The following TNR variants were observed in gnomAD, a reference collection of about 807,000 sequenced individuals.
TNR encodes the protein tenascin R.
Under a neutral mutation model 150.4 loss-of-function variants are expected in TNR, and 45 were observed. That is an observed-to-expected ratio of 0.30 (90% confidence interval 0.24 to 0.38). The LOEUF (loss-of-function observed/expected upper bound fraction) is 0.38. TNR is among the 10% of genes least tolerant of loss of function. The pLI, the probability that TNR is intolerant of heterozygous loss-of-function variation, is 1.00. For missense variants in TNR, 1,544 were observed against 1,759.1 expected, an observed-to-expected ratio of 0.88 and a Z score of 2.19; for synonymous variants, 687 against 678.4, an observed-to-expected ratio of 1.01 and a Z score of -0.20.
chr1:175,362,748 C>T lies in TNR; in HGVS notation c.2769G>A (p.Leu923=), dbSNP rs1396600259. 2 of 1,614,142 alleles carry T rather than the reference C, an allele frequency of 1.2e-6. No homozygotes were observed. The highest frequency in any genetic ancestry group is 1.7e-6 in the Non-Finnish European group (2 of 1,180,002). Residue 923 remains leucine (L), a synonymous_variant, in exon 14 of 23, where the codon CTG becomes CTA. Coordinates refer to ENST00000367674, the MANE Select transcript of TNR (RefSeq NM_003285.3). The part of the protein sequence containing the change: ...NTVTEFTITR[L]NPATEYEISL... ...TGATTTCGTATTCGGTAGCTGGGTT[C>T]AGTCTGGTGATGGTGAATTCTGTCA...
chr1:175,588,149 C>G (rs1662649997), intron 1 of TNR, among the ~76,000 whole-genome samples: 1 of 152,194 alleles, frequency 6.6e-6, no homozygotes, highest in Non-Finnish European at 1.5e-5. Context: ...AGTTCACAGT[C>G]ACTGGAGGAA....
At chr1:175,340,870 C>G (rs1460185468) in intron 18 of TNR, among the ~76,000 whole-genome samples, 1 of 152,164 alleles carries the variant, frequency 6.6e-6, no homozygotes, top group Non-Finnish European at 1.5e-5. Flanking sequence ...CTCCCACTTG[C>G]CCCCTTTCCT....
chr1:175,415,628 G>A (rs553549815), intron 2 of TNR, among the ~76,000 whole-genome samples: 15 of 152,350 alleles, frequency 9.8e-5, no homozygotes, highest in Middle Eastern at 3.4e-3. Flanking sequence ...CAGCATGTTC[G>A]TGGCTTCGTG....
intron 1 of TNR, among the ~76,000 whole-genome samples, chr1:175,596,367 A>G (rs1304165359): frequency 6.6e-6 from 1 of 152,134 alleles, no homozygotes; most frequent in Non-Finnish European, 1.5e-5. Context: ...CAACATGGTG[A>G]CCATGCTCAG....
chr1:175,399,032 G>C (rs2901905), intron 4 of TNR, among the ~76,000 whole-genome samples: 1 of 152,020 alleles, frequency 6.6e-6, no homozygotes, highest in Non-Finnish European at 1.5e-5. Context: ...AATTTAGACA[G>C]CAGGTTACAG....
At chr1:175,348,782 G>C (rs1464393872) in intron 18 of TNR, among the ~76,000 whole-genome samples, 1 of 152,094 alleles carries the variant, frequency 6.6e-6, no homozygotes. Context: ...TAAATATAGA[G>C]AAATAAATCT....
intron 1 of TNR, among the ~76,000 whole-genome samples, chr1:175,613,729 C>T (rs1663673734): frequency 6.6e-6 from 1 of 152,182 alleles, no homozygotes; most frequent in South Asian, 2.1e-4. Context: ...ACTGCCCTCT[C>T]CCTTCTTCAG....
chr1:175,500,798 G>A (rs1019416189), intron 2 of TNR, among the ~76,000 whole-genome samples: 1 of 152,262 alleles, frequency 6.6e-6, no homozygotes, highest in African/African-American at 2.4e-5. Context: ...TCTGGAGCAG[G>A]AGGACGCTTA....
At chr1:175,580,113 G>T (rs1357426015) in intron 1 of TNR, among the ~76,000 whole-genome samples, 3 of 152,174 alleles carry the variant, frequency 2.0e-5, no homozygotes, top group Admixed American at 2.0e-4. Context: ...GGAGAAAAGT[G>T]GGGAGGTGGC....
intron 2 of TNR, among the ~76,000 whole-genome samples, chr1:175,475,346 G>A (rs1422907614): frequency 6.6e-6 from 1 of 152,198 alleles, no homozygotes; most frequent in African/African-American, 2.4e-5. Flanking sequence ...AAGGGCTTGG[G>A]GAGGAAGCAT....
chr1:175,565,237 C>T (rs562118943), intron 1 of TNR, among the ~76,000 whole-genome samples: 19 of 152,304 alleles, frequency 1.2e-4, no homozygotes, highest in Admixed American at 9.1e-4. Flanking sequence ...GGCGAGGATA[C>T]GTTGCTTCTT....
chr1:175,380,013 G>A (rs890971812), intron 8 of TNR, among the ~76,000 whole-genome samples: 3 of 152,146 alleles, frequency 2.0e-5, no homozygotes, highest in African/African-American at 7.2e-5. Context: ...AACTTTAAAA[G>A]GAACCAGTCA....
intron 21 of TNR, among the ~76,000 whole-genome samples, chr1:175,328,860 G>T (rs1649559647): frequency 6.6e-6 from 1 of 152,220 alleles, no homozygotes; most frequent in South Asian, 2.1e-4. Flanking sequence ...TTCTTTTCCT[G>T]TAGGAGAAAT....
rs1334815954 is a variant in TNR at position 175,319,597 on chromosome 1, G to A, written c.*3760C>T. 1 of 152,340 alleles carries A rather than the reference G, an allele frequency of 6.6e-6. No individual in the cohort carries two copies. Among genetic ancestry groups the A allele is most frequent in the Non-Finnish European group, 1.5e-5 (1 of 68,040 alleles). 9.4% of individuals were successfully genotyped at this position (152,340 alleles called of 1,614,324 possible). Reference sequence around the variant, plus strand: ...CTACCACTTTATGAGTAGTAGAGGGGGAAGTTGGTAGGTGAGGGACAGGTG... The same window carrying A: ...CTACCACTTTATGAGTAGTAGAGGGAGAAGTTGGTAGGTGAGGGACAGGTG... On this transcript the variant is annotated 3_prime_UTR_variant, in exon 23 of 23. Transcript: ENST00000367674.
chr1:175,332,401 G>T lies in TNR; in HGVS notation c.3632-2166C>A, dbSNP rs192026535. 8.5e-4 allele frequency among the ~76,000 whole-genome samples: 129 copies of T among 152,178 alleles called. 3 individuals carry two copies. The highest frequency in any genetic ancestry group is 3.0e-3 in the African/African-American group (124 of 41,502). ...CCCCCATTCCCTTCTCCCCAGTGAA[G>T]TCCCCCAGTAAGTCACTTGAACAAG... On this transcript the variant is annotated intron_variant, in intron 20 of 22. Coordinates refer to ENST00000367674, the MANE Select transcript of TNR (RefSeq NM_003285.3).
At position 175,657,880 on chromosome 1, in the gene TNR, T is replaced by C. The variant is rs1236383700; in HGVS notation, c.-165+85346A>G. 1.3e-3 allele frequency among the ~76,000 whole-genome samples: 169 copies of C among 129,148 alleles called. 9 individuals are homozygous for C. Among genetic ancestry groups the C allele is most frequent in the African/African-American group, 4.5e-3 (159 of 35,066 alleles). 84.7% of individuals were successfully genotyped at this position (129,148 alleles called of 152,430 possible). On this transcript the variant is annotated intron_variant, in intron 1 of 22. Transcript: ENST00000367674. ...ATATATATATATATATATATATATA[T>C]ATATGTAACAAACCTGCACGTTGTG...
At chr1:175,448,062 C>A (rs1656140545) in intron 2 of TNR, among the ~76,000 whole-genome samples, 2 of 152,110 alleles carry the variant, frequency 1.3e-5, no homozygotes, top group Non-Finnish European at 2.9e-5. Flanking sequence ...AGCCCATGAA[C>A]AGAGGTGGTT....
chr1:175,545,594 T>G (rs1389541822), intron 1 of TNR, among the ~76,000 whole-genome samples: 4 of 152,156 alleles, frequency 2.6e-5, no homozygotes, highest in Non-Finnish European at 5.9e-5. Flanking sequence ...AAAATAATGA[T>G]AGCAAACACA....
intron 18 of TNR, among the ~76,000 whole-genome samples, chr1:175,340,280 C>T (rs946626215): frequency 4.6e-5 from 7 of 152,218 alleles, no homozygotes; most frequent in East Asian, 1.9e-4. Context: ...TTGCTGGGTG[C>T]GCTTGCCTTC....
Sources: gnomAD v4.1 joint callset for allele counts (sites outside exome capture counted in the v4.1 genomes callset) on GRCh38, gnomAD v4.1.1 for gene constraint, MANE v1.5 for transcripts, NCBI Gene and HGNC (gene_info 2026-07-23, HGNC 2026-07-21) for gene names.